The following GPC5 variants were observed in gnomAD, a reference collection of about 807,000 sequenced individuals.
The protein encoded by GPC5 is glypican-5.
In GPC5, 47 loss-of-function variants were observed where a neutral mutation model predicts 53.9. The observed-to-expected ratio is 0.87, with a 90% confidence interval of 0.69 to 1.11. The LOEUF is 1.11. GPC5 is among the 50% of genes most tolerant of loss of function. The probability of loss-of-function intolerance (pLI) is 0.00; values close to 1 mark genes in which losing one functional copy is unlikely to be tolerated. For synonymous variants in GPC5, 286 were observed against 263.3 expected (o/e 1.09, Z -0.84); for missense variants, 748 against 713.1 (o/e 1.05, Z -0.56).
chr13:91,911,962 A>C (rs1278061850), intron 6 of GPC5, among the ~76,000 whole-genome samples: 1 of 152,192 alleles, frequency 6.6e-6, no homozygotes, highest in Non-Finnish European at 1.5e-5. Context: ...GATACCCAAG[A>C]GGAATGTGCA....
intron 2 of GPC5, among the ~76,000 whole-genome samples, chr13:91,646,320 T>A (rs955886231): frequency 6.7e-6 from 1 of 148,762 alleles, no homozygotes; most frequent in Non-Finnish European, 1.5e-5. Flanking sequence ...TGGATGAAAA[T>A]ATATATTTTT....
At chr13:92,656,295 G>A (rs552379470) in intron 7 of GPC5, among the ~76,000 whole-genome samples, 1 of 152,274 alleles carries the variant, frequency 6.6e-6, no homozygotes, top group African/African-American at 2.4e-5. Flanking sequence ...TAGAGAATTA[G>A]CAATGAAAAG....
chr13:92,132,984 T>C (rs1271478621), intron 6 of GPC5, among the ~76,000 whole-genome samples: 1 of 152,052 alleles, frequency 6.6e-6, no homozygotes, highest in Non-Finnish European at 1.5e-5. Context: ...ACATAAGAAA[T>C]TTTAAGCTCC....
chr13:91,914,538 A>G (rs2039640014), intron 6 of GPC5, among the ~76,000 whole-genome samples: 1 of 152,080 alleles, frequency 6.6e-6, no homozygotes, highest in South Asian at 2.1e-4. Context: ...CAAAAGAAGT[A>G]GATTTTCTAT....
At chr13:91,432,203 CTGTGTGTGTGTGTGTGTG>C (rs757953581) in intron 1 of GPC5, among the ~76,000 whole-genome samples, 2 of 136,354 alleles carry the variant, frequency 1.5e-5, no homozygotes, top group Non-Finnish European at 3.2e-5. Context: ...GCTGCTGCTG[CTGTGTGTGTGTGTGTGTG>C]TGTGTGTGTG....
intron 7 of GPC5, among the ~76,000 whole-genome samples, chr13:92,565,058 G>A (rs1384759181): frequency 2.0e-5 from 3 of 151,976 alleles, no homozygotes; most frequent in Admixed American, 6.6e-5. Context: ...CTTCTGGAAG[G>A]TAAAAATGCA....
chr13:92,672,817 A>T (rs942089503), intron 7 of GPC5, among the ~76,000 whole-genome samples: 1 of 152,198 alleles, frequency 6.6e-6, no homozygotes, highest in African/African-American at 2.4e-5. Flanking sequence ...CTCATTTATA[A>T]GTGGGAGCTA....
intron 7 of GPC5, among the ~76,000 whole-genome samples, chr13:92,471,526 A>G (rs1407021005): frequency 1.6e-5 from 2 of 127,440 alleles, no homozygotes; most frequent in Admixed American, 8.1e-5. Flanking sequence ...TTGCATTTAT[A>G]ATAAGGAACG....
intron 2 of GPC5, among the ~76,000 whole-genome samples, chr13:91,648,989 A>G (rs767558334): frequency 7.2e-5 from 11 of 152,238 alleles, no homozygotes; most frequent in Middle Eastern, 6.8e-3. Context: ...AGTGGGAGGT[A>G]ATCAAATAAT....
intron 7 of GPC5, among the ~76,000 whole-genome samples, chr13:92,705,706 T>TTTCCAACA (rs1887926113): frequency 6.6e-6 from 1 of 152,104 alleles, no homozygotes; most frequent in South Asian, 2.1e-4. Flanking sequence ...TACGTCTATG[T>TTTCCAACA]TGGAAAGCAA....
chr13:91,998,616 A>G (rs1377161387), intron 6 of GPC5, among the ~76,000 whole-genome samples: 1 of 152,212 alleles, frequency 6.6e-6, no homozygotes, highest in Non-Finnish European at 1.5e-5. Flanking sequence ...ACACATTATC[A>G]TAAATAAAAT....
chr13:92,703,770 A>G (rs1428556428), intron 7 of GPC5, among the ~76,000 whole-genome samples: 1 of 151,848 alleles, frequency 6.6e-6, no homozygotes. Flanking sequence ...TCTAAAATGT[A>G]GATTTTAATT....
intron 2 of GPC5, among the ~76,000 whole-genome samples, chr13:91,548,895 A>T (rs1419450576): frequency 6.6e-6 from 1 of 152,158 alleles, no homozygotes; most frequent in Non-Finnish European, 1.5e-5. Flanking sequence ...CTGGACATCC[A>T]CATGTGGAAA....
intron 2 of GPC5, among the ~76,000 whole-genome samples, chr13:91,586,613 T>G: frequency 7.7e-6 from 1 of 130,682 alleles, no homozygotes; most frequent in African/African-American, 2.8e-5. Flanking sequence ...GCTACATTTT[T>G]AAACCATCAG....
chr13:91,560,161 C>T (rs1461907224), intron 2 of GPC5, among the ~76,000 whole-genome samples: 1 of 152,012 alleles, frequency 6.6e-6, no homozygotes, highest in Non-Finnish European at 1.5e-5. Flanking sequence ...GTTTGAGATG[C>T]CAGAGCTTCC....
chr13:92,731,849 T>C (rs1358422506), intron 7 of GPC5, among the ~76,000 whole-genome samples: 3 of 151,516 alleles, frequency 2.0e-5, no homozygotes, highest in Non-Finnish European at 3.0e-5. Context: ...TGAGTGACAG[T>C]TGGAATCATA....
At chr13:92,133,774 G>A (rs1244727027) in intron 6 of GPC5, among the ~76,000 whole-genome samples, 3 of 152,092 alleles carry the variant, frequency 2.0e-5, no homozygotes, top group East Asian at 1.9e-4. Flanking sequence ...GTACATTGGG[G>A]TCATAAAGCG....
At chr13:92,721,064 C>G (rs1002348776) in intron 7 of GPC5, among the ~76,000 whole-genome samples, 1 of 151,916 alleles carries the variant, frequency 6.6e-6, no homozygotes, top group Non-Finnish European at 1.5e-5. Flanking sequence ...TAGTAAGAAT[C>G]CAGCAAAGGT....
At chr13:91,562,441 G>T (rs1222037751) in intron 2 of GPC5, among the ~76,000 whole-genome samples, 2 of 151,746 alleles carry the variant, frequency 1.3e-5, no homozygotes, top group East Asian at 3.9e-4. Context: ...TATGTTCTAT[G>T]ATTAAACCAT....
Sources: allele counts gnomAD v4.1 joint callset (sites outside exome capture counted in the v4.1 genomes callset), GRCh38; gene constraint gnomAD v4.1.1; transcripts MANE v1.5; gene names NCBI Gene and HGNC (gene_info 2026-07-23, HGNC 2026-07-21).